Variants in CHST8 observed in about 807,000 individuals in gnomAD.
The protein encoded by CHST8 is GALNAC-4-ST1.
In CHST8, 10 loss-of-function variants were observed where a neutral mutation model predicts 15.0. The ratio of observed to expected loss-of-function variants is 0.67; its 90% confidence interval spans 0.41 to 1.13. The LOEUF (loss-of-function observed/expected upper bound fraction) is 1.13. CHST8 is among the 50% of genes most tolerant of loss of function. The pLI is 0.00. For missense variants in CHST8, 634 were observed against 608.2 expected (o/e 1.04, Z -0.45); for synonymous variants, 259 against 256.6 (o/e 1.01, Z -0.09).
At chr19:33,652,677 A>G (rs1318955106) in intron 1 of CHST8, among the ~76,000 whole-genome samples, 1 of 151,854 alleles carries the variant, frequency 6.6e-6, no homozygotes, top group Non-Finnish European at 1.5e-5. Flanking sequence ...AGCCCGGACT[A>G]TATTTTTTCT....
Position 33,772,097 on chromosome 19 carries a change from C to T in CHST8, c.309C>T (p.Thr103=). Residue 103 remains threonine (T), a synonymous_variant, in exon 5 of 5, where the codon ACC becomes ACT. Coordinates refer to ENST00000650847, the MANE Select transcript of CHST8 (RefSeq NM_001127895.2). The part of the protein sequence containing the change: ...DQPQPPLQRG[T]RLRLRQRRRR... ...CTCAACCCCCGCTGCAGAGGGGAAC[C>T]CGTCTGCGGCTCCGCCAGCGCCGTC... The T allele has an allele frequency of 6.2e-7, 1 of 1,611,950 alleles. No homozygotes were observed. The highest frequency in any genetic ancestry group is 8.5e-7 in the Non-Finnish European group (1 of 1,179,548).
intron 3 of CHST8, among the ~76,000 whole-genome samples, chr19:33,716,059 T>C (rs1277943415): frequency 6.6e-6 from 1 of 152,254 alleles, no homozygotes; most frequent in Non-Finnish European, 1.5e-5. Context: ...TCTGTTTTCT[T>C]TCACTTAACA....
intron 3 of CHST8, among the ~76,000 whole-genome samples, chr19:33,710,942 T>C (rs1456197645): frequency 5.3e-5 from 8 of 150,352 alleles, no homozygotes; most frequent in Non-Finnish European, 1.2e-4. Flanking sequence ...GGTATGATCA[T>C]AGCTCACTGC....
chr19:33,731,463 C>A (rs1008349118), intron 3 of CHST8, among the ~76,000 whole-genome samples: 1 of 152,150 alleles, frequency 6.6e-6, no homozygotes, highest in Non-Finnish European at 1.5e-5. Flanking sequence ...TTATAATTAG[C>A]GTATAATAAG....
At chr19:33,646,154 C>T (rs1286460730) in intron 1 of CHST8, among the ~76,000 whole-genome samples, 1 of 151,908 alleles carries the variant, frequency 6.6e-6, no homozygotes. Context: ...TTAATAATTG[C>T]AAGGCAATCC....
rs762020676 is a variant in CHST8 at position 33,689,275 on chromosome 19, C to T, written c.14C>T (p.Pro5Leu). The change falls in exon 3 of 5, where the codon CCT becomes CTT. Residue 5 changes from proline to leucine, a missense_variant. Pro to Leu is a moderately conservative substitution (Grantham distance 98, BLOSUM62 -3). Coordinates refer to ENST00000650847, the MANE Select transcript of CHST8 (RefSeq NM_001127895.2). MTLR[P>L]GTMRLACMFS... ...AGCCAGCCCCGGATGACCCTGCGAC[C>T]TGGAACAATGCGGCTGGCCTGCATG... The T allele has an allele frequency of 4.4e-6, 7 of 1,599,750 alleles. No homozygotes were observed. In the South Asian group the frequency reaches 7.9e-5, roughly 18 times the overall value.
chr19:33,734,866 A>G (rs1208280427), intron 3 of CHST8, among the ~76,000 whole-genome samples: 1 of 152,086 alleles, frequency 6.6e-6, no homozygotes, highest in Admixed American at 6.5e-5. Context: ...TCTGTTGACA[A>G]CCAAGTCTCC....
chr19:33,768,030 T>A (rs1283806272), intron 3 of CHST8, among the ~76,000 whole-genome samples: 2 of 152,186 alleles, frequency 1.3e-5, no homozygotes, highest in East Asian at 3.8e-4. Context: ...CCCTTAGCTG[T>A]ACTTCCCTGA....
chr19:33,711,012 A>G (rs1224045653), intron 3 of CHST8, among the ~76,000 whole-genome samples: 1 of 151,998 alleles, frequency 6.6e-6, no homozygotes, highest in Non-Finnish European at 1.5e-5. Flanking sequence ...CTGGAACTAC[A>G]AGCATATATG....
intron 3 of CHST8, among the ~76,000 whole-genome samples, chr19:33,757,418 G>A (rs549622151): frequency 1.1e-4 from 1 of 9,096 alleles, no homozygotes; most frequent in African/African-American, 3.5e-4. Context: ...AAGAAAGAAA[G>A]AAAGAAAGAA....
intron 3 of CHST8, among the ~76,000 whole-genome samples, chr19:33,732,706 C>T (rs1371523488): frequency 6.6e-6 from 1 of 152,046 alleles, no homozygotes; most frequent in African/African-American, 2.4e-5. Flanking sequence ...ATTATTTGTT[C>T]ACATGAAGAC....
chr19:33,704,391 G>A (rs1444891332), intron 3 of CHST8, among the ~76,000 whole-genome samples: 10 of 148,496 alleles, frequency 6.7e-5, no homozygotes, highest in African/African-American at 2.6e-4. Flanking sequence ...ATGTCCATGG[G>A]AACTGTGCAG....
chr19:33,751,252 C>A (rs573986145), intron 3 of CHST8, among the ~76,000 whole-genome samples: 2 of 152,208 alleles, frequency 1.3e-5, no homozygotes, highest in African/African-American at 4.8e-5. Flanking sequence ...TCAGGATTCA[C>A]GGCTTGGCTC....
intron 2 of CHST8, among the ~76,000 whole-genome samples, chr19:33,669,588 C>G (rs1972709069): frequency 6.6e-6 from 1 of 152,208 alleles, no homozygotes; most frequent in Non-Finnish European, 1.5e-5. Context: ...AAAACGCCTG[C>G]CACCCATCTG....
In CHST8 at chr19:33,772,257, A is replaced by G. The variant is rs780854499; in HGVS notation, c.469A>G (p.Lys157Glu). The G allele has an allele frequency of 4.4e-6, 7 of 1,600,510 alleles. No individual in the cohort carries two copies. The highest frequency in any genetic ancestry group is 8.5e-7 in the Non-Finnish European group (1 of 1,178,400). Residue 157 changes from lysine (K) to glutamate (E), a missense_variant, in exon 5 of 5, where the codon AAG becomes GAG. Lys to Glu is a moderately conservative substitution (Grantham distance 56). Transcript: ENST00000650847. ...VSLHRSQQER[K>E]RVMQEACAKY... The stretch of plus-strand genomic sequence containing the variant: ...CCTGCACCGGAGCCAGCAGGAGCGC[A>G]AGCGGGTGATGCAGGAGGCCTGCGC...
intron 3 of CHST8, among the ~76,000 whole-genome samples, chr19:33,714,809 T>C (rs376648414): frequency 6.6e-6 from 1 of 152,234 alleles, no homozygotes; most frequent in Non-Finnish European, 1.5e-5. Context: ...TTTGCTGCCA[T>C]GTGAGACATG....
chr19:33,763,960 T>G (rs889322596), intron 3 of CHST8, among the ~76,000 whole-genome samples: 35 of 152,238 alleles, frequency 2.3e-4, no homozygotes, highest in African/African-American at 8.4e-4. Context: ...GCAGAGCCAG[T>G]CTTCATGGCC....
At chr19:33,722,396 G>A (rs1481032846) in intron 3 of CHST8, among the ~76,000 whole-genome samples, 1 of 152,186 alleles carries the variant, frequency 6.6e-6, no homozygotes. Flanking sequence ...GGTACATGTA[G>A]TAAAAGAAGG....
chr19:33,742,007 A>G (rs138499381), intron 3 of CHST8, among the ~76,000 whole-genome samples: 3,274 of 152,230 alleles, frequency 0.022, 54 homozygotes, highest in Non-Finnish European at 0.027. Flanking sequence ...TCACTGTATC[A>G]GGGTGCAATG....
Sources: gnomAD v4.1 joint callset for allele counts (sites outside exome capture counted in the v4.1 genomes callset) on GRCh38, gnomAD v4.1.1 for gene constraint, MANE v1.5 for transcripts, NCBI Gene and HGNC (gene_info 2026-07-23, HGNC 2026-07-21) for gene names.